ACOT12: variants seen among roughly 807,000 people sequenced by gnomAD.
ACOT12 encodes the protein acyl-CoA thioesterase 12.
ACOT12 carries 51 observed loss-of-function variants against 67.7 expected under a neutral mutation model. The observed-to-expected ratio is 0.75, with a 90% CI of 0.60 to 0.95. The LOEUF is 0.95. Ranked by LOEUF, ACOT12 falls within the 40% of genes least tolerant of loss-of-function variation. ACOT12 has a pLI of 0.00. For synonymous variants in ACOT12, 251 were observed against 244.6 expected (o/e 1.03, Z -0.24); for missense variants, 734 against 708.1 (o/e 1.04, Z -0.41).
chr5:81,379,485 TA>T lies in ACOT12; in HGVS notation c.197+6271del, dbSNP rs200555465. Among the ~76,000 whole-genome samples the T allele has an allele frequency of 6.5e-3, 953 of 145,594 alleles. 13 individuals carry two copies. The highest frequency in any genetic ancestry group is 6.3e-3 in the Non-Finnish European group (415 of 65,870). ...CCCAGAACTTAAAGTACAATAATAA[TA>T]AAAAAAAAAGCACCATGCTAAACGC... On this transcript the variant is annotated intron_variant, in intron 2 of 14. Transcript: ENST00000307624.
At chr5:81,337,987 A>T (rs1365523641) in intron 11 of ACOT12, among the ~76,000 whole-genome samples, 2 of 152,218 alleles carry the variant, frequency 1.3e-5, no homozygotes, top group African/African-American at 4.8e-5. Context: ...ACAGTACTGG[A>T]TGAGCAAATT....
At position 81,330,417 on chromosome 5, in the gene ACOT12, C is replaced by T. The variant is rs778446106; in HGVS notation, c.1645G>A (p.Asp549Asn). Residue 549 changes from aspartate (D) to asparagine (N), a missense_variant, in exon 15 of 15, where the codon GAT becomes AAT. Coordinates refer to ENST00000307624, the MANE Select transcript of ACOT12 (RefSeq NM_130767.3). ...CTTTAAAATGTGCTTACAAACCCATCATCAGGAGGATTCTCTAAGAACTGT... is the reference window on the plus strand; with the variant it reads ...CTTTAAAATGTGCTTACAAACCCATTATCAGGAGGATTCTCTAAGAACTGT... Reference protein sequence around the residue: ...CIQFLENPPDDGFVSTF With the variant: ...CIQFLENPPDNGFVSTF 1.2e-5 allele frequency: 19 copies of T among 1,612,940 alleles called. No homozygotes were observed. The highest frequency in any genetic ancestry group is 1.6e-5 in the Non-Finnish European group (19 of 1,179,636).
chr5:81,363,318 T>C (rs977937072), intron 4 of ACOT12, among the ~76,000 whole-genome samples: 4 of 152,230 alleles, frequency 2.6e-5, no homozygotes, highest in African/African-American at 4.8e-5. Context: ...CAGAAGCTTA[T>C]TTTTAAACTT....
intron 1 of ACOT12, among the ~76,000 whole-genome samples, chr5:81,390,407 T>A (rs1760831921): frequency 6.6e-6 from 1 of 151,646 alleles, no homozygotes; most frequent in Non-Finnish European, 1.5e-5. Context: ...AGACACTGTA[T>A]TTTTCAGTTC....
chr5:81,366,776 A>G (rs1760093782), intron 3 of ACOT12, among the ~76,000 whole-genome samples: 1 of 152,186 alleles, frequency 6.6e-6, no homozygotes, highest in Admixed American at 6.5e-5. Context: ...GATAAGATTA[A>G]CAGCAGTTTA....
At chr5:81,365,648 C>T (rs1044529694) in intron 3 of ACOT12, among the ~76,000 whole-genome samples, 1 of 152,132 alleles carries the variant, frequency 6.6e-6, no homozygotes, top group African/African-American at 2.4e-5. Flanking sequence ...GGAATTACAT[C>T]CTGTGAAAAC....
At chr5:81,373,403 C>T (rs958551649) in intron 2 of ACOT12, among the ~76,000 whole-genome samples, 21 of 152,210 alleles carry the variant, frequency 1.4e-4, no homozygotes, top group African/African-American at 5.1e-4. Flanking sequence ...GTGCCTAGGC[C>T]ATCAGGACCC....
At chr5:81,350,938 C>A (rs1759534153) in intron 5 of ACOT12, among the ~76,000 whole-genome samples, 1 of 152,184 alleles carries the variant, frequency 6.6e-6, no homozygotes, top group African/African-American at 2.4e-5. Flanking sequence ...CCAAGCAGGC[C>A]CACCTGCTGG....
At chr5:81,347,526 G>T (rs545410147) in intron 6 of ACOT12, among the ~76,000 whole-genome samples, 6 of 152,268 alleles carry the variant, frequency 3.9e-5, no homozygotes, top group East Asian at 1.9e-4. Flanking sequence ...TCATAATTCA[G>T]AATAAAGTAT....
At chr5:81,375,228 A>G (rs1760374863) in intron 2 of ACOT12, among the ~76,000 whole-genome samples, 1 of 152,224 alleles carries the variant, frequency 6.6e-6, no homozygotes, top group Non-Finnish European at 1.5e-5. Context: ...GGAATTTCAT[A>G]TCCAGGCAAA....
At chr5:81,370,331 C>T (rs1291276481) in intron 3 of ACOT12, among the ~76,000 whole-genome samples, 1 of 152,118 alleles carries the variant, frequency 6.6e-6, no homozygotes, top group African/African-American at 2.4e-5. Context: ...AAGCCACCAC[C>T]AATGGCATGG....
At chr5:81,347,960 G>A (rs370158756) in intron 5 of ACOT12, 30 bp from the exon 6 acceptor site, 3 of 1,605,464 alleles carry the variant, frequency 1.9e-6, no homozygotes, top group Non-Finnish European at 1.7e-6. Flanking sequence ...ATTAATGATG[G>A]TGGAGTGAAC....
At chr5:81,373,081 C>T (rs763048365) in intron 2 of ACOT12, among the ~76,000 whole-genome samples, 11 of 152,122 alleles carry the variant, frequency 7.2e-5, no homozygotes, top group African/African-American at 1.7e-4. Flanking sequence ...GCAAGATGGC[C>T]GAACAGGAGC....
At chr5:81,363,726 G>T in intron 4 of ACOT12, 62 bp downstream of exon 4, 2 of 1,239,968 alleles carry the variant, frequency 1.6e-6, no homozygotes, top group South Asian at 1.4e-5. Flanking sequence ...ATAACATTCT[G>T]ATGCAATTGT....
intron 5 of ACOT12, among the ~76,000 whole-genome samples, chr5:81,350,003 G>C (rs540717504): frequency 6.6e-6 from 1 of 152,128 alleles, no homozygotes; most frequent in Non-Finnish European, 1.5e-5. Context: ...GATTACTAAT[G>C]AGTTCCAACA....
the ACOT12 span, among the ~76,000 whole-genome samples, chr5:81,316,073 CAG>C: frequency 1.3e-5 from 2 of 152,156 alleles, no homozygotes; most frequent in African/African-American, 4.8e-5. Flanking sequence ...TTGACGAAGT[CAG>C]AGAGGTGGTG....
At chr5:81,386,746 A>T (rs2153859993) in intron 1 of ACOT12, among the ~76,000 whole-genome samples, 1 of 152,324 alleles carries the variant, frequency 6.6e-6, no homozygotes, top group Non-Finnish European at 1.5e-5. Flanking sequence ...GTACTGGATC[A>T]TTATAACTAC....
At chr5:81,390,352 C>T (rs1580602741) in intron 1 of ACOT12, among the ~76,000 whole-genome samples, 1 of 151,542 alleles carries the variant, frequency 6.6e-6, no homozygotes, top group African/African-American at 2.4e-5. Flanking sequence ...TTTTCTCAGC[C>T]ATGTCCATTC....
At chr5:81,321,608 T>C in the ACOT12 span, among the ~76,000 whole-genome samples, 1 of 152,090 alleles carries the variant, frequency 6.6e-6, no homozygotes, top group Non-Finnish European at 1.5e-5. Context: ...ACTTCTAGAA[T>C]TGAAATATAT....
Sources: allele counts gnomAD v4.1 joint callset (sites outside exome capture counted in the v4.1 genomes callset), GRCh38; gene constraint gnomAD v4.1.1; transcripts MANE v1.5; gene names NCBI Gene and HGNC (gene_info 2026-07-23, HGNC 2026-07-21).